The following TWF1 variants were observed in gnomAD, a reference collection of about 807,000 sequenced individuals.
The protein encoded by TWF1 is twinfilin-1.
Under a neutral mutation model 47.9 loss-of-function variants are expected in TWF1, and 14 were observed. The observed-to-expected ratio is 0.29, with a 90% CI of 0.19 to 0.46. The LOEUF (loss-of-function observed/expected upper bound fraction) is 0.46, where lower values mean the gene tolerates loss of function less well. Among genes scored for constraint, TWF1 ranks in the 20% least tolerant of loss-of-function variants. TWF1 has a pLI of 1.00. For missense variants in TWF1, 281 were observed against 409.3 expected (o/e 0.69, Z 2.70); for synonymous variants, 96 against 139.2 (o/e 0.69, Z 2.18).
At position 43,794,850 on chromosome 12, in the gene TWF1, AATG is replaced by A. The variant is rs1942521939; in HGVS notation, c.*732_*734del. The A allele has an allele frequency of 6.6e-6, 1 of 152,088 alleles. No homozygotes were observed. Among genetic ancestry groups the A allele is most frequent in the Non-Finnish European group, 1.5e-5 (1 of 68,000 alleles). The allele number at this position is 152,088 out of a possible 1,614,324, so 9.4% of individuals were successfully genotyped here. A position where few individuals can be genotyped will look rare whatever the true frequency, so the allele number is the denominator to read the frequency against. On this transcript the variant is annotated 3_prime_UTR_variant, in exon 9 of 9. Transcript: ENST00000395510. The stretch of plus-strand genomic sequence containing the variant: ...ACTCAACATTTTTTGTTTCCTTTTG[AATG>A]ATATTAATTTAAATTTCAATCTGAA...
rs757601682 is a variant in TWF1, at chr12:43,799,485, A to G, written c.396T>C (p.His132=). The G allele has an allele frequency of 1.9e-6, 3 of 1,600,690 alleles. No individual in the cohort carries two copies. In the South Asian group the frequency reaches 3.3e-5, roughly 18 times the overall value. The change falls in exon 5 of 9, where the codon CAT becomes CAC. Residue 132 remains histidine, a synonymous_variant. Transcript: ENST00000395510. ...FGTVKEDVSL[H]GYKKYLLSQS... ...GTGACAGCAAGTATTTTTTATATCC[A>G]TGTAATGATACATCTTCCTGTAAGT...
At position 43,799,331 on chromosome 12, in the gene TWF1, T is replaced by C. The variant is rs1034194034; in HGVS notation, c.483+67A>G. The stretch of plus-strand genomic sequence containing the variant: ...TAATCTCTAGTTATCCTCCCACATC[T>C]ATTAATTAAAAATACAGTATTTTCA... On this transcript the variant is annotated intron_variant, in intron 5 of 8. Coordinates refer to ENST00000395510, the MANE Select transcript of TWF1 (RefSeq NM_002822.5). 3.9e-6 allele frequency: 4 copies of C among 1,030,382 alleles called. No homozygotes were observed. In the African/African-American group the frequency reaches 6.5e-5, roughly 17 times the overall value. 63.8% of individuals were successfully genotyped at this position (1,030,382 alleles called of 1,614,324 possible). A position where few individuals can be genotyped will look rare whatever the true frequency, so the allele number is the denominator to read the frequency against.
intron 3 of TWF1, 33 bp from the exon 4 acceptor site, chr12:43,800,563 G>T: frequency 6.6e-7 from 1 of 1,520,106 alleles, no homozygotes; most frequent in Non-Finnish European, 9.1e-7. Context: ...TTAGTTTATA[G>T]ATGAAAACAT....
chr12:43,802,193 T>C, intron 3 of TWF1, 93 bp downstream of exon 3: 1 of 804,426 alleles, frequency 1.2e-6, no homozygotes, highest in Non-Finnish European at 1.9e-6. Context: ...CTATGGGAAA[T>C]AATTATTGTT....
chr12:43,799,800 C>T (rs1397034824), intron 4 of TWF1, among the ~76,000 whole-genome samples: 1 of 152,056 alleles, frequency 6.6e-6, no homozygotes, highest in East Asian at 1.9e-4. Context: ...TATAGGACAA[C>T]TGTAATTAAC....
rs567384391 is a variant in TWF1 at position 43,795,687 on chromosome 12, A to C, written c.951T>G (p.His317Gln). 3 of 1,613,874 alleles carry C rather than the reference A, an allele frequency of 1.9e-6. No individual in the cohort carries two copies. Among genetic ancestry groups the C allele is most frequent in the African/African-American group, 1.3e-5 (1 of 75,038 alleles). Reference protein sequence around the residue: ...FLYEEVHPKQHAHKQSFAKPK... With the variant: ...FLYEEVHPKQQAHKQSFAKPK... ...GTTTTGCAAAACTTTGCTTGTGTGC[A>C]TGCTGCTTGGGATGTACTTCTTCAT... The change falls in exon 9 of 9, where the codon CAT becomes CAG. Residue 317 changes from histidine to glutamine, a missense_variant. By Grantham distance (24) the His-to-Gln change is conservative (BLOSUM62 0). Coordinates refer to ENST00000395510, the MANE Select transcript of TWF1 (RefSeq NM_002822.5).
intron 1 of TWF1, chr12:43,805,900 G>C: frequency 6.8e-7 from 1 of 1,479,320 alleles, no homozygotes; most frequent in Non-Finnish European, 9.1e-7. Context: ...GTGACCAAAA[G>C]GGGGAAAGTT....
chr12:43,796,815 A>C (rs1379186099), intron 8 of TWF1, among the ~76,000 whole-genome samples, 161 bp downstream of exon 8: 1 of 152,126 alleles, frequency 6.6e-6, no homozygotes, highest in Non-Finnish European at 1.5e-5. Context: ...GATGGGGATC[A>C]TGACAGGTAG....
rs558023035 is a variant in TWF1, at chr12:43,806,191, T to C, written c.25+30A>G. On this transcript the variant is annotated intron_variant, in intron 1 of 8. Coordinates refer to ENST00000395510, the MANE Select transcript of TWF1 (RefSeq NM_002822.5). ...CTCTCCCGGCTCTCCCGGAAGCCCC[T>C]TCCCTGCGAGTCGCGCCGGGCGCTG... The C allele has an allele frequency of 5.3e-6, 8 of 1,511,340 alleles. No homozygotes were observed. The South Asian group carries it at 8.4e-5, about 16-fold the overall frequency. The allele number at this position is 1,511,340 out of a possible 1,614,324, so 93.6% of individuals were successfully genotyped here.
chr12:43,797,143 A>G, intron 7 of TWF1, 46 bp from the exon 8 acceptor site: 2 of 1,516,716 alleles, frequency 1.3e-6, no homozygotes, highest in Non-Finnish European at 1.8e-6. Flanking sequence ...ATCAATACAT[A>G]AACTTCATAA....
chr12:43,795,434 A>T lies in TWF1; in HGVS notation c.*151T>A, dbSNP rs1199813886. 1.5e-5 allele frequency: 9 copies of T among 613,666 alleles called. No individual in the cohort carries two copies. The highest frequency in any genetic ancestry group is 2.2e-5 in the Non-Finnish European group (8 of 359,062). The allele number at this position is 613,666 out of a possible 1,614,324, so 38.0% of individuals were successfully genotyped here. A position where few individuals can be genotyped will look rare whatever the true frequency, so the allele number is the denominator to read the frequency against. Reference sequence around the variant, plus strand: ...GAAATCATGAGTCTTCTATAACATTAATTTTAAAAACACACAGAAGTGAAA... The same window carrying T: ...GAAATCATGAGTCTTCTATAACATTTATTTTAAAAACACACAGAAGTGAAA... On this transcript the variant is annotated 3_prime_UTR_variant, in exon 9 of 9. Coordinates refer to ENST00000395510, the MANE Select transcript of TWF1 (RefSeq NM_002822.5).
chr12:43,806,144 GCCGGTC>G (rs1465731379), intron 1 of TWF1, 71 bp downstream of exon 1: 383 of 1,531,656 alleles, frequency 2.5e-4, no homozygotes, highest in Admixed American at 1.2e-3. Flanking sequence ...CTCCAGCCCT[GCCGGTC>G]CTGCAGCCCT....
intron 4 of TWF1, among the ~76,000 whole-genome samples, chr12:43,799,841 A>G (rs779082472): frequency 2.0e-4 from 30 of 152,126 alleles, no homozygotes; most frequent in Non-Finnish European, 3.2e-4. Flanking sequence ...ATGATTATCC[A>G]ATAATCAACA....
Position 43,802,332 on chromosome 12 carries a change from T to A in TWF1, c.236A>T (p.Gln79Leu), listed in dbSNP as rs757091048. The change falls in exon 3 of 9, where the codon CAG becomes CTG. Residue 79 changes from glutamine to leucine, a missense_variant. Gln to Leu is a moderately radical substitution (Grantham distance 113). Coordinates refer to ENST00000395510, the MANE Select transcript of TWF1 (RefSeq NM_002822.5). ...ILFRLDSQNA[Q>L]GYEWIFIAWS... The stretch of plus-strand genomic sequence containing the variant: ...TGCAATGAATATCCATTCATATCCC[T>A]GGGCATTCTGAGAATCTAACCTGAA... The A allele has an allele frequency of 1.3e-6, 2 of 1,591,254 alleles. No individual in the cohort carries two copies. The highest frequency in any genetic ancestry group is 1.7e-6 in the Non-Finnish European group (2 of 1,171,490).
intron 3 of TWF1, 127 bp downstream of exon 3, chr12:43,802,159 G>A (rs553371509): frequency 1.8e-6 from 1 of 564,182 alleles, no homozygotes; most frequent in South Asian, 4.4e-5. Context: ...TCAATCCAAG[G>A]ATTTTCCTCA....
At position 43,800,468 on chromosome 12, in the gene TWF1, G is replaced by A; in HGVS notation, c.345C>T (p.Gly115=). The A allele has an allele frequency of 6.2e-7, 1 of 1,613,328 alleles. No individual in the cohort carries two copies. ...RATLKKEFGG[G]HIKDEVFGTV... ...TTCCAAATACTTCATCTTTAATGTG[G>A]CCACCTCCAAATTCCTTCTTCAGAG... is the stretch of plus-strand genomic sequence containing the variant. The change falls in exon 4 of 9, where the codon GGC becomes GGT. Residue 115 remains glycine, a synonymous_variant. Transcript: ENST00000395510.
At chr12:43,799,025 A>G (rs1942610409) in intron 5 of TWF1, among the ~76,000 whole-genome samples, 1 of 152,098 alleles carries the variant, frequency 6.6e-6, no homozygotes, top group Non-Finnish European at 1.5e-5. Context: ...TAGAAAGCCA[A>G]CAAAACAATA....
chr12:43,806,053 A>T (rs567556003), intron 1 of TWF1, 168 bp downstream of exon 1: 855 of 1,518,528 alleles, frequency 5.6e-4, no homozygotes, highest in Non-Finnish European at 7.0e-4. Context: ...GCAGGCCGGC[A>T]GCGCCCGGGA....
intron 6 of TWF1, 109 bp downstream of exon 6, chr12:43,797,599 T>C (rs1280543136): frequency 6.9e-7 from 1 of 1,452,140 alleles, no homozygotes; most frequent in Admixed American, 2.3e-5. Context: ...AAATGAATTT[T>C]AGAAATCAGA....
Sources: gnomAD v4.1 joint callset for allele counts (sites outside exome capture counted in the v4.1 genomes callset) on GRCh38, gnomAD v4.1.1 for gene constraint, MANE v1.5 for transcripts, NCBI Gene and HGNC (gene_info 2026-07-23, HGNC 2026-07-21) for gene names.